OPHN1: variants seen among roughly 807,000 people sequenced by gnomAD.
OPHN1 encodes oligophrenin-1.
OPHN1 carries 11 observed loss-of-function variants against 60.7 expected under a neutral mutation model. That is an observed-to-expected ratio of 0.18 (90% CI 0.11 to 0.30). The LOEUF is 0.30. Ranked by LOEUF, OPHN1 falls within the 10% of genes least tolerant of loss-of-function variation. OPHN1 has a pLI of 1.00. For missense variants in OPHN1, 449 were observed against 611.0 expected, an observed-to-expected ratio of 0.73 and a Z score of 2.80; for synonymous variants, 226 against 222.6, an observed-to-expected ratio of 1.02 and a Z score of -0.14.
intron 19 of OPHN1, among the ~76,000 whole-genome samples, chrX:68,084,361 G>GGGGGGAGAGGGAGGAAC (rs2076987184): frequency 1.2e-5 from 1 of 80,135 alleles, no homozygotes; most frequent in African/African-American, 4.5e-5. Context: ...AGGGAGGAAC[G>GGGGGGAGAGGGAGGAAC]GGGGGAGAGG....
chrX:68,338,231 T>C (rs2078333978), intron 2 of OPHN1, among the ~76,000 whole-genome samples: 1 of 111,875 alleles, frequency 8.9e-6, no homozygotes, highest in Admixed American at 9.6e-5. Flanking sequence ...TTCAAAAATA[T>C]GAAAAGCTAA....
At chrX:68,133,552 C>A in intron 15 of OPHN1, 1 of 415,168 alleles carries the variant, frequency 2.4e-6, no homozygotes. Context: ...ATCCTGAGAA[C>A]ACTTAAACGT....
At chrX:68,161,356 C>T (rs955872547) in intron 15 of OPHN1, among the ~76,000 whole-genome samples, 4 of 110,630 alleles carry the variant, frequency 3.6e-5, no homozygotes, top group Non-Finnish European at 7.6e-5. Flanking sequence ...TCTATGAAGC[C>T]GATATTACCC....
chrX:68,233,694 G>C (rs1487451997), intron 6 of OPHN1, among the ~76,000 whole-genome samples: 2 of 110,809 alleles, frequency 1.8e-5, no homozygotes, highest in Non-Finnish European at 3.8e-5. Context: ...TGTTTGAAAG[G>C]TCCATTTATC....
chrX:68,289,145 A>C (rs2078058920), intron 3 of OPHN1, among the ~76,000 whole-genome samples: 2 of 111,102 alleles, frequency 1.8e-5, no homozygotes, highest in Admixed American at 9.6e-5. Flanking sequence ...ACAAACAACA[A>C]CACCATCATC....
chrX:68,394,141 C>T (rs747983315), intron 2 of OPHN1, among the ~76,000 whole-genome samples: 4 of 109,600 alleles, frequency 3.6e-5, no homozygotes, highest in African/African-American at 1.3e-4. Flanking sequence ...GTGATCCGCC[C>T]GCCTCGGCCT....
At chrX:68,168,296 AAACT>A (rs1458739907) in intron 15 of OPHN1, among the ~76,000 whole-genome samples, 1 of 111,697 alleles carries the variant, frequency 9.0e-6, no homozygotes, top group Admixed American at 9.6e-5. Context: ...AAATTATAAC[AAACT>A]GTCTCTCAGA....
chrX:68,339,337 C>A (rs1384852956), intron 2 of OPHN1, among the ~76,000 whole-genome samples: 1 of 110,036 alleles, frequency 9.1e-6, no homozygotes, highest in Non-Finnish European at 1.9e-5. Context: ...CGAATACTTT[C>A]CCCATGATAT....
chrX:68,319,915 C>A lies in OPHN1; in HGVS notation c.155-20819G>T, dbSNP rs1335785697. Among the ~76,000 whole-genome samples, 6 of 110,290 alleles carry A rather than the reference C, an allele frequency of 5.4e-5. No homozygotes were observed. The Admixed American group carries it at 5.9e-4, about 11-fold the overall frequency. The stretch of plus-strand genomic sequence containing the variant: ...AAATTCTTTATACATATAAAGAATA[C>A]TCAAAGTTGAAAATTGATAACAATC... On this transcript the variant is annotated intron_variant, in intron 2 of 24. Coordinates refer to ENST00000355520, the MANE Select transcript of OPHN1 (RefSeq NM_002547.3).
In OPHN1 at chrX:68,069,016, A is replaced by G. The variant is rs952057267; in HGVS notation, c.1834+4136T>C. Among the ~76,000 whole-genome samples the G allele has an allele frequency of 2.7e-5, 3 of 112,180 alleles. No homozygotes were observed. In the South Asian group the frequency reaches 1.1e-3, roughly 42 times the overall value. ...TGCACAAAATTTACTAAAAACCATT[A>G]AACTGTACGCTTTAAAATGGTGCAT... On this transcript the variant is annotated intron_variant, in intron 20 of 24. Coordinates refer to ENST00000355520, the MANE Select transcript of OPHN1 (RefSeq NM_002547.3).
intron 9 of OPHN1, among the ~76,000 whole-genome samples, chrX:68,208,996 C>T (rs982815414): frequency 1.8e-5 from 2 of 112,329 alleles, no homozygotes; most frequent in African/African-American, 6.5e-5. Flanking sequence ...AAAATCATCA[C>T]AAGTAAACTG....
intron 2 of OPHN1, among the ~76,000 whole-genome samples, chrX:68,398,760 C>A (rs1266575549): frequency 9.0e-6 from 1 of 110,832 alleles, no homozygotes; most frequent in African/African-American, 3.3e-5. Flanking sequence ...ACCAGCCTGG[C>A]CAATATGACG....
At chrX:68,224,224 T>C (rs1157951347) in intron 6 of OPHN1, among the ~76,000 whole-genome samples, 1 of 112,067 alleles carries the variant, frequency 8.9e-6, no homozygotes, top group Admixed American at 9.5e-5. Context: ...TGAAGAAATC[T>C]AAAAGAATAG....
At chrX:68,262,046 TTAAGTA>T (rs1229412500) in intron 5 of OPHN1, among the ~76,000 whole-genome samples, 2 of 111,508 alleles carry the variant, frequency 1.8e-5, no homozygotes, top group Admixed American at 9.6e-5. Flanking sequence ...AAATAAGAGT[TTAAGTA>T]TATTATTTAA....
chrX:68,298,816 G>A (rs1375986697), intron 3 of OPHN1, among the ~76,000 whole-genome samples, 185 bp downstream of exon 3: 3 of 111,990 alleles, frequency 2.7e-5, no homozygotes, highest in African/African-American at 6.5e-5. Context: ...GATTGCTGTC[G>A]TGTGAGGAGG....
intron 2 of OPHN1, among the ~76,000 whole-genome samples, chrX:68,351,873 CTTTTTTTTTTTTT>C (rs58051308): frequency 3.4e-5 from 1 of 29,552 alleles, no homozygotes; most frequent in Non-Finnish European, 6.0e-5. Flanking sequence ...ATTTTTTTTT[CTTTTTTTTTTTTT>C]TTTTTTTTGA....
At chrX:68,332,832 C>T (rs2078302510) in intron 2 of OPHN1, among the ~76,000 whole-genome samples, 1 of 110,535 alleles carries the variant, frequency 9.0e-6, no homozygotes, top group Admixed American at 9.8e-5. Context: ...GAGCTTAAAG[C>T]CTTCAAACCA....
At chrX:68,343,288 G>C (rs866682873) in intron 2 of OPHN1, among the ~76,000 whole-genome samples, 1 of 98,168 alleles carries the variant, frequency 1.0e-5, no homozygotes, top group Non-Finnish European at 2.0e-5. Context: ...AAAAAAAAGC[G>C]GGGGGGGAGG....
At chrX:68,317,539 A>AAAGAAAGAAAGAAAGAAAG (rs796705961) in intron 2 of OPHN1, among the ~76,000 whole-genome samples, 2 of 58,949 alleles carry the variant, frequency 3.4e-5, no homozygotes, top group African/African-American at 2.7e-4. Flanking sequence ...AAGAAAGAAA[A>AAAGAAAGAAAGAAAGAAAG]AAAGAAAGAA....
Sources: gnomAD v4.1 joint callset for allele counts (sites outside exome capture counted in the v4.1 genomes callset) on GRCh38, gnomAD v4.1.1 for gene constraint, MANE v1.5 for transcripts, NCBI Gene and HGNC (gene_info 2026-07-23, HGNC 2026-07-21) for gene names.